Variants in NRG1 observed in about 807,000 individuals in gnomAD.
The protein encoded by NRG1 is pro-neuregulin-1, membrane-bound isoform.
NRG1 carries 18 observed loss-of-function variants against 63.8 expected under a neutral mutation model. That is an observed-to-expected ratio of 0.28 (90% CI 0.19 to 0.42). The LOEUF is 0.42. NRG1 is among the 10% of genes least tolerant of loss of function. The probability of loss-of-function intolerance (pLI) is 1.00; values close to 1 mark genes in which losing one functional copy is unlikely to be tolerated. For synonymous variants in NRG1, 302 were observed against 301.3 expected, an observed-to-expected ratio of 1.00 and a Z score of -0.02; for missense variants, 762 against 814.7, an observed-to-expected ratio of 0.94 and a Z score of 0.79.
At chr8:31,928,951 A>G (rs1834645596) in intron 1 of NRG1, among the ~76,000 whole-genome samples, 1 of 152,150 alleles carries the variant, frequency 6.6e-6, no homozygotes. Flanking sequence ...GGTACACTAA[A>G]ATCCTAAGCT....
intron 5 of NRG1, among the ~76,000 whole-genome samples, chr8:32,726,351 GATT>G (rs772959799): frequency 1.6e-4 from 25 of 151,788 alleles, no homozygotes; most frequent in Non-Finnish European, 3.2e-4. Flanking sequence ...CCTTTATCTA[GATT>G]ATTTATAACC....
At chr8:32,035,184 T>G (rs1381054340) in intron 1 of NRG1, among the ~76,000 whole-genome samples, 1 of 152,216 alleles carries the variant, frequency 6.6e-6, no homozygotes, top group Non-Finnish European at 1.5e-5. Flanking sequence ...TCTTGATTTC[T>G]GCCTTAATTT....
intron 1 of NRG1, among the ~76,000 whole-genome samples, chr8:32,443,270 G>A (rs772928401): frequency 2.3e-4 from 35 of 152,004 alleles, no homozygotes; most frequent in Non-Finnish European, 1.8e-4. Context: ...CTAAATGTCC[G>A]AGCCTTTCCA....
Position 31,640,609 on chromosome 8 carries a change from A to T in NRG1, c.37+1178A>T. The T allele has an allele frequency of 6.2e-7, 1 of 1,611,882 alleles. No individual in the cohort carries two copies. Among genetic ancestry groups the T allele is most frequent in the Non-Finnish European group, 8.5e-7 (1 of 1,179,532 alleles). On this transcript the variant is annotated intron_variant, in intron 1 of 10. Transcript: ENST00000519301. This position sits in a 1 kb window ranked among gnomAD's most constrained non-coding sequence, Gnocchi z 6.3. ...GGAGGACAGCAGGTACATCTTCTTCATGGAGCCCGACGCCAACAGCACCAG... is the reference window on the plus strand; with the variant it reads ...GGAGGACAGCAGGTACATCTTCTTCTTGGAGCCCGACGCCAACAGCACCAG...
chr8:31,857,979 G>T (rs1203105800), intron 1 of NRG1, among the ~76,000 whole-genome samples: 2 of 152,148 alleles, frequency 1.3e-5, no homozygotes, highest in Non-Finnish European at 2.9e-5. Context: ...CCAGTTGAGA[G>T]CAATCTTGAA....
At position 32,694,622 on chromosome 8, in the gene NRG1, A is replaced by T. The variant is rs1812759388; in HGVS notation, c.503-33327A>T. Among the ~76,000 whole-genome samples the T allele has an allele frequency of 2.0e-5, 3 of 152,350 alleles. No individual in the cohort carries two copies. The South Asian group carries it at 6.2e-4, about 32-fold the overall frequency. On this transcript the variant is annotated intron_variant, in intron 5 of 11. Transcript: ENST00000356819. ...CACACTGACAAGATCCTGAGCCTAAATAAAATTAGGTCATGTCTAAAAGAT... is the reference window on the plus strand; with the variant it reads ...CACACTGACAAGATCCTGAGCCTAATTAAAATTAGGTCATGTCTAAAAGAT...
At chr8:32,021,837 C>T (rs1289716433) in intron 1 of NRG1, among the ~76,000 whole-genome samples, 1 of 152,106 alleles carries the variant, frequency 6.6e-6, no homozygotes, top group Non-Finnish European at 1.5e-5. Context: ...TCATTAATTG[C>T]ACAACATAGT....
At chr8:31,977,368 A>T (rs1304182215) in intron 1 of NRG1, among the ~76,000 whole-genome samples, 2 of 151,794 alleles carry the variant, frequency 1.3e-5, no homozygotes, top group Non-Finnish European at 2.9e-5. Context: ...TAACTTAGTG[A>T]CTCCTCTCAT....
rs193015001 is a variant in NRG1, at chr8:32,132,880, G to A, written c.38-462948G>A. 2.6e-4 allele frequency among the ~76,000 whole-genome samples: 40 copies of A among 152,138 alleles called. No individual in the cohort carries two copies. In the East Asian group the frequency reaches 6.8e-3, roughly 26 times the overall value. On this transcript the variant is annotated intron_variant, in intron 1 of 10. Transcript: ENST00000519301. ...CTTTGCAGCTAAGGAAGTTTTACAG[G>A]CTTATAATACTGTCAGATTCTGCGG... is the stretch of plus-strand genomic sequence containing the variant.
chr8:32,434,999 C>T (rs1178729998), intron 1 of NRG1, among the ~76,000 whole-genome samples: 4 of 152,090 alleles, frequency 2.6e-5, no homozygotes, highest in African/African-American at 9.7e-5. Context: ...GAACCAACAT[C>T]CCATGGATAC....
intron 1 of NRG1, among the ~76,000 whole-genome samples, chr8:32,526,508 T>C (rs1393957986): frequency 6.6e-6 from 1 of 152,166 alleles, no homozygotes; most frequent in African/African-American, 2.4e-5. Flanking sequence ...GAGGAGATTA[T>C]ACAAGGCGTA....
At chr8:32,333,671 AAAATAAC>A (rs1291278371) in intron 1 of NRG1, among the ~76,000 whole-genome samples, 2 of 152,154 alleles carry the variant, frequency 1.3e-5, no homozygotes, top group African/African-American at 4.8e-5. Context: ...TAACTGGTGT[AAAATAAC>A]TAATTATTGT....
chr8:32,030,943 A>C (rs891390450), intron 1 of NRG1, among the ~76,000 whole-genome samples: 1 of 152,188 alleles, frequency 6.6e-6, no homozygotes. Context: ...ACTCAATGAA[A>C]GATACTTCCC....
At chr8:32,397,032 T>C (rs1812521575) in intron 1 of NRG1, among the ~76,000 whole-genome samples, 1 of 152,150 alleles carries the variant, frequency 6.6e-6, no homozygotes, top group African/African-American at 2.4e-5. Flanking sequence ...TACCCCACTT[T>C]CTCGCATCAA....
chr8:32,121,397 TCG>T (rs1491584361), intron 1 of NRG1, among the ~76,000 whole-genome samples: 1 of 108,316 alleles, frequency 9.2e-6, no homozygotes, highest in Admixed American at 1.1e-4. Flanking sequence ...ACCTGGGAAA[TCG>T]TGTGTGTGTG....
At chr8:32,238,608 C>T (rs1405761205) in intron 1 of NRG1, among the ~76,000 whole-genome samples, 2 of 152,068 alleles carry the variant, frequency 1.3e-5, no homozygotes, top group Non-Finnish European at 2.9e-5. Flanking sequence ...GTCTTCAGGG[C>T]AGCAGTAATC....
chr8:32,653,227 G>A (rs895412349), intron 5 of NRG1, among the ~76,000 whole-genome samples: 12 of 151,866 alleles, frequency 7.9e-5, no homozygotes, highest in African/African-American at 2.7e-4. Context: ...ATATGACAGT[G>A]GAAAACAGTA....
intron 1 of NRG1, among the ~76,000 whole-genome samples, chr8:32,100,492 C>T (rs747731852): frequency 6.6e-5 from 10 of 151,824 alleles, no homozygotes; most frequent in Non-Finnish European, 1.0e-4. Flanking sequence ...CTCCAGACCC[C>T]GTGGTCTTCT....
chr8:32,600,248 A>G (rs1451947561), intron 2 of NRG1, among the ~76,000 whole-genome samples: 1 of 152,008 alleles, frequency 6.6e-6, no homozygotes, highest in East Asian at 1.9e-4. Context: ...CTATACTTAA[A>G]AAAAAATCAT....
Sources: allele counts gnomAD v4.1 joint callset (sites outside exome capture counted in the v4.1 genomes callset), GRCh38; gene constraint gnomAD v4.1.1; non-coding constraint Gnocchi (gnomAD v3.1); transcripts MANE v1.5; gene names NCBI Gene and HGNC (gene_info 2026-07-23, HGNC 2026-07-21).